KCNB2: variants seen among roughly 807,000 people sequenced by gnomAD.
The protein encoded by KCNB2 is potassium voltage-gated channel subfamily B member 2.
Under a neutral mutation model 61.5 loss-of-function variants are expected in KCNB2, and 15 were observed. The ratio of observed to expected loss-of-function variants is 0.24; its 90% CI spans 0.16 to 0.38. The LOEUF is 0.38. Ranked by LOEUF, KCNB2 falls within the 10% of genes least tolerant of loss-of-function variation. The pLI is 1.00. For missense variants in KCNB2, 828 were observed against 1,125.2 expected (o/e 0.74, Z 3.78); for synonymous variants, 457 against 446.0 (o/e 1.02, Z -0.31).
At chr8:72,748,152 G>T (rs987703136) in intron 2 of KCNB2, among the ~76,000 whole-genome samples, 2 of 152,160 alleles carry the variant, frequency 1.3e-5, no homozygotes, top group Non-Finnish European at 2.9e-5. Flanking sequence ...AGTGGACATG[G>T]ATTATCTTAA....
chr8:72,646,447 T>C (rs564083754), intron 2 of KCNB2, among the ~76,000 whole-genome samples: 12 of 152,302 alleles, frequency 7.9e-5, no homozygotes, highest in South Asian at 4.1e-4. Flanking sequence ...TCTTCCAACA[T>C]GTCTTTGGTT....
chr8:72,643,707 T>A (rs1031086630), intron 2 of KCNB2, among the ~76,000 whole-genome samples: 5 of 152,172 alleles, frequency 3.3e-5, no homozygotes, highest in Non-Finnish European at 7.3e-5. Context: ...ATGGAAAGTA[T>A]GGAGACACTT....
chr8:72,691,085 C>G (rs1361242633), intron 2 of KCNB2, among the ~76,000 whole-genome samples: 1 of 152,174 alleles, frequency 6.6e-6, no homozygotes, highest in African/African-American at 2.4e-5. Context: ...GGCTAAGAGG[C>G]ATTTAATCTG....
chr8:72,617,455 C>T (rs1282996277), intron 2 of KCNB2, among the ~76,000 whole-genome samples: 1 of 152,158 alleles, frequency 6.6e-6, no homozygotes, highest in Non-Finnish European at 1.5e-5. Flanking sequence ...CTCCATCCAA[C>T]TCCAGAGAGA....
intron 2 of KCNB2, among the ~76,000 whole-genome samples, chr8:72,582,243 A>C (rs538965560): frequency 6.6e-6 from 1 of 152,344 alleles, no homozygotes; most frequent in South Asian, 2.1e-4. Context: ...TCTTATCTGC[A>C]TGTGCCCTAC....
intron 2 of KCNB2, among the ~76,000 whole-genome samples, chr8:72,785,843 A>G (rs956409108): frequency 6.6e-6 from 1 of 152,120 alleles, no homozygotes; most frequent in Non-Finnish European, 1.5e-5. Flanking sequence ...TGTATCAATC[A>G]CTGGTTTAGG....
At chr8:72,822,399 A>C (rs1357085470) in intron 2 of KCNB2, among the ~76,000 whole-genome samples, 1 of 152,234 alleles carries the variant, frequency 6.6e-6, no homozygotes, top group Non-Finnish European at 1.5e-5. Flanking sequence ...GATAGGAAAG[A>C]GTGGAGAATG....
intron 2 of KCNB2, among the ~76,000 whole-genome samples, chr8:72,721,229 A>G (rs978178165): frequency 6.6e-5 from 10 of 152,208 alleles, no homozygotes; most frequent in Non-Finnish European, 1.3e-4. Flanking sequence ...TATTGCTATG[A>G]CACACGTTTC....
At position 72,567,900 on chromosome 8, in the gene KCNB2, C is replaced by T. The variant is rs753902390; in HGVS notation, c.166C>T (p.Leu56=). The T allele has an allele frequency of 6.2e-7, 1 of 1,613,942 alleles. No homozygotes were observed. Among genetic ancestry groups the T allele is most frequent in the East Asian group, 2.2e-5 (1 of 44,862 alleles). Residue 56 remains leucine (L), a synonymous_variant, in exon 2 of 3, where the codon CTG becomes TTG. Transcript: ENST00000523207. ...HEVLWRTLDR[L]PRTRLGKLRD... is the part of the protein sequence containing the mutation. ...AGTCCTGTGGAGAACGCTGGACAGG[C>T]TGCCCAGGACGCGCCTGGGGAAGCT...
chr8:72,719,634 A>T (rs946866619), intron 2 of KCNB2, among the ~76,000 whole-genome samples: 1 of 152,070 alleles, frequency 6.6e-6, no homozygotes, highest in Non-Finnish European at 1.5e-5. Flanking sequence ...TTTCCTTTTA[A>T]TTTAAAAGTA....
intron 1 of KCNB2, among the ~76,000 whole-genome samples, chr8:72,561,778 G>T (rs13252929): frequency 0.56 from 19,133 of 34,116 alleles, 5,609 homozygotes; most frequent in East Asian, 0.83. Flanking sequence ...TATATATATG[G>T]ATATATATAT....
At chr8:72,930,535 C>T (rs1259398042) in intron 2 of KCNB2, among the ~76,000 whole-genome samples, 1 of 152,220 alleles carries the variant, frequency 6.6e-6, no homozygotes, top group East Asian at 1.9e-4. Flanking sequence ...ATTTGCATTT[C>T]TCTGATGGCC....
chr8:72,592,078 A>G (rs749095802), intron 2 of KCNB2, among the ~76,000 whole-genome samples: 1 of 152,124 alleles, frequency 6.6e-6, no homozygotes, highest in Non-Finnish European at 1.5e-5. Flanking sequence ...CAAGTACTGG[A>G]TATATTTAGG....
At position 72,754,238 on chromosome 8, in the gene KCNB2, G is replaced by C. The variant is rs563508649; in HGVS notation, c.580-181697G>C. On this transcript the variant is annotated intron_variant, in intron 2 of 2. Transcript: ENST00000523207. Reference sequence around the variant, plus strand: ...CTATGGCAGTTTCTCATTTTCCTATGGAATTTCGCAGCCTGGAATCAAGGC... The same window carrying C: ...CTATGGCAGTTTCTCATTTTCCTATCGAATTTCGCAGCCTGGAATCAAGGC... Among the ~76,000 whole-genome samples the C allele has an allele frequency of 3.3e-5, 5 of 152,274 alleles. 1 individual carries two copies. The South Asian group carries it at 1.0e-3, about 32-fold the overall frequency.
intron 1 of KCNB2, among the ~76,000 whole-genome samples, chr8:72,543,910 G>T (rs1806224410): frequency 6.6e-6 from 1 of 152,150 alleles, no homozygotes; most frequent in Admixed American, 6.5e-5. Flanking sequence ...TGAAAAAGCT[G>T]AGCACTCTAT....
At chr8:72,770,267 T>C (rs17185273) in intron 2 of KCNB2, among the ~76,000 whole-genome samples, 4,003 of 152,298 alleles carry the variant, frequency 0.026, 60 homozygotes, top group African/African-American at 0.037. Flanking sequence ...CTACCTGTAA[T>C]TCTCTATACC....
intron 2 of KCNB2, among the ~76,000 whole-genome samples, chr8:72,715,071 T>C (rs1183097978): frequency 1.3e-5 from 2 of 152,156 alleles, no homozygotes; most frequent in Non-Finnish European, 2.9e-5. Flanking sequence ...AGAAGGCCAT[T>C]ACATAATGGT....
chr8:72,597,175 C>T (rs866990073), intron 2 of KCNB2, among the ~76,000 whole-genome samples: 7 of 151,948 alleles, frequency 4.6e-5, no homozygotes, highest in Admixed American at 1.3e-4. Flanking sequence ...AGGCGCACGC[C>T]ACCACACTCA....
At chr8:72,843,811 A>C (rs1809937981) in intron 2 of KCNB2, among the ~76,000 whole-genome samples, 1 of 151,752 alleles carries the variant, frequency 6.6e-6, no homozygotes, top group African/African-American at 2.4e-5. Flanking sequence ...CCATCCCTTT[A>C]TTTTGAGCCT....
Sources: gnomAD v4.1 joint callset for allele counts (sites outside exome capture counted in the v4.1 genomes callset) on GRCh38, gnomAD v4.1.1 for gene constraint, MANE v1.5 for transcripts, NCBI Gene and HGNC (gene_info 2026-07-23, HGNC 2026-07-21) for gene names.